The following ALKBH8 variants were observed in gnomAD, a reference collection of about 807,000 sequenced individuals.
The protein encoded by ALKBH8 is tRNA (carboxymethyluridine(34)-5-O)-methyltransferase ALKBH8.
In ALKBH8, 36 loss-of-function variants were observed where a neutral mutation model predicts 59.8. That is an observed-to-expected ratio of 0.60 (90% CI 0.46 to 0.79). The LOEUF (loss-of-function observed/expected upper bound fraction) is 0.79. Ranked by LOEUF, ALKBH8 falls within the 30% of genes least tolerant of loss-of-function variation. ALKBH8 has a pLI of 0.00. For missense variants in ALKBH8, 768 were observed against 801.0 expected (o/e 0.96, Z 0.50); for synonymous variants, 276 against 273.6 (o/e 1.01, Z -0.09).
chr11:107,536,945 G>A (rs1055827624), intron 7 of ALKBH8, among the ~76,000 whole-genome samples: 4 of 152,192 alleles, frequency 2.6e-5, no homozygotes, highest in African/African-American at 7.2e-5. Context: ...CACTTAGACT[G>A]TAATGCACTG....
intron 9 of ALKBH8, among the ~76,000 whole-genome samples, chr11:107,523,628 A>G (rs1320539686): frequency 2.1e-5 from 3 of 140,866 alleles, no homozygotes; most frequent in Non-Finnish European, 4.5e-5. Flanking sequence ...TTTGAGACAG[A>G]GTCTCACTCT....
chr11:107,554,366 C>G (rs1215582981), intron 3 of ALKBH8, among the ~76,000 whole-genome samples: 2 of 151,860 alleles, frequency 1.3e-5, no homozygotes, highest in African/African-American at 4.8e-5. Context: ...TTGATACTAT[C>G]TATAGTAAAT....
At chr11:107,552,395 T>A (rs61908198) in intron 5 of ALKBH8, among the ~76,000 whole-genome samples, 30,634 of 151,736 alleles carry the variant, frequency 0.2, 3,873 homozygotes, top group South Asian at 0.37. Context: ...ATAGATAAAT[T>A]TAACTCCAAC....
At chr11:107,510,752 A>G (rs1015436639) in intron 11 of ALKBH8, 135 bp downstream of exon 11, 6 of 971,804 alleles carry the variant, frequency 6.2e-6, no homozygotes, top group Non-Finnish European at 8.9e-6. Flanking sequence ...TCTCTTACAA[A>G]GAGGGAAAAC....
At chr11:107,539,600 A>AC (rs1040917256) in intron 7 of ALKBH8, among the ~76,000 whole-genome samples, 5 of 151,692 alleles carry the variant, frequency 3.3e-5, no homozygotes, top group African/African-American at 7.3e-5. Context: ...ATCCACCAAA[A>AC]AAAAACAAAA....
chr11:107,506,290 A>G (rs1227890648), intron 11 of ALKBH8, among the ~76,000 whole-genome samples: 1 of 152,184 alleles, frequency 6.6e-6, no homozygotes, highest in Non-Finnish European at 1.5e-5. Flanking sequence ...GCTTCTCCTT[A>G]GAAAAATTTA....
At chr11:107,565,579 G>T (rs142208363) in intron 1 of ALKBH8, 22 bp downstream of exon 1, 1 of 1,535,666 alleles carries the variant, frequency 6.5e-7, no homozygotes. Flanking sequence ...CCGTATGCCC[G>T]CCAGTAAGAA....
chr11:107,524,399 T>A (rs1863263444), intron 9 of ALKBH8, among the ~76,000 whole-genome samples: 1 of 152,124 alleles, frequency 6.6e-6, no homozygotes, highest in East Asian at 1.9e-4. Context: ...ATCTGTAAAC[T>A]GAATCCCCAA....
intron 7 of ALKBH8, among the ~76,000 whole-genome samples, chr11:107,546,737 G>A (rs1864274710): frequency 6.6e-6 from 1 of 152,044 alleles, no homozygotes; most frequent in East Asian, 1.9e-4. Flanking sequence ...TACATATTTC[G>A]AAGGTACAAA....
intron 8 of ALKBH8, among the ~76,000 whole-genome samples, chr11:107,530,069 C>T (rs1014331673): frequency 6.6e-6 from 1 of 152,080 alleles, no homozygotes; most frequent in African/African-American, 2.4e-5. Context: ...TCAAGAGAAG[C>T]TGAAAATTCA....
chr11:107,542,994 G>C (rs1375989021), intron 7 of ALKBH8, among the ~76,000 whole-genome samples: 1 of 152,176 alleles, frequency 6.6e-6, no homozygotes, highest in Non-Finnish European at 1.5e-5. Context: ...AAAGAGCAAA[G>C]ATTTTGTTCC....
chr11:107,504,349 C>G lies in ALKBH8; in HGVS notation c.*309G>C. 1.8e-6 allele frequency: 1 copy of G among 561,586 alleles called. No individual in the cohort carries two copies. The highest frequency in any genetic ancestry group is 3.1e-6 in the Non-Finnish European group (1 of 320,792). 34.8% of individuals were successfully genotyped at this position (561,586 alleles called of 1,614,324 possible). A position where few individuals can be genotyped will look rare whatever the true frequency, so the allele number is the denominator to read the frequency against. On this transcript the variant is annotated 3_prime_UTR_variant, in exon 12 of 12. Coordinates refer to ENST00000428149, the MANE Select transcript of ALKBH8 (RefSeq NM_138775.3). ...ATTTACTACATTTAGTAGCACTTTA[C>G]TAAAAAACTATTATCTTCAAAATCC...
At chr11:107,545,396 G>T (rs1864207574) in intron 7 of ALKBH8, among the ~76,000 whole-genome samples, 1 of 152,068 alleles carries the variant, frequency 6.6e-6, no homozygotes. Flanking sequence ...ATTCAGCTAG[G>T]TATTTCAAGA....
In ALKBH8 at chr11:107,560,865, T is replaced by C. The variant is rs774279068; in HGVS notation, c.29A>G (p.Lys10Arg). Reference sequence around the variant, plus strand: ...GAACTTCTTCTCAGTTTTACTGAGTTTGTAATTACTTTGATGGTTGCTGTC... The same window carrying C: ...GAACTTCTTCTCAGTTTTACTGAGTCTGTAATTACTTTGATGGTTGCTGTC... MDSNHQSNY[K>R]LSKTEKKFLR... The change falls in exon 2 of 12, where the codon AAA becomes AGA. Residue 10 changes from lysine to arginine, a missense_variant. Coordinates refer to ENST00000428149, the MANE Select transcript of ALKBH8 (RefSeq NM_138775.3). 1 of 1,612,860 alleles carries C rather than the reference T, an allele frequency of 6.2e-7. No homozygotes were observed. Among genetic ancestry groups the C allele is most frequent in the South Asian group, 1.1e-5 (1 of 90,990 alleles).
At chr11:107,562,573 A>G (rs576614189) in intron 1 of ALKBH8, 1 of 152,218 alleles carries the variant, frequency 6.6e-6, no homozygotes, top group South Asian at 2.1e-4. Context: ...ATAAAATCTT[A>G]TTTATCTTAT....
In ALKBH8 at chr11:107,510,870, AG is replaced by A; in HGVS notation, c.1437+16del. On this transcript the variant is annotated intron_variant, in intron 11 of 11. Coordinates refer to ENST00000428149, the MANE Select transcript of ALKBH8 (RefSeq NM_138775.3). ...CTTTAGCTACAAGTTCTTAAGAGAAAGAAAGACCATACTTACTGCTGTTGCA... is the reference window on the plus strand; with the variant it reads ...CTTTAGCTACAAGTTCTTAAGAGAAAAAAGACCATACTTACTGCTGTTGCA... 1 of 1,549,542 alleles carries A rather than the reference AG, an allele frequency of 6.5e-7. No homozygotes were observed.
chr11:107,549,762 CA>C lies in ALKBH8; in HGVS notation c.761del (p.Leu254TrpfsTer28). 1 of 1,548,278 alleles carries C rather than the reference CA, an allele frequency of 6.5e-7. No individual in the cohort carries two copies. Among genetic ancestry groups the C allele is most frequent in the Non-Finnish European group, 8.7e-7 (1 of 1,144,106 alleles). ...AFEDEIVSLS[L>X]GSEIVMDFKH... ...AAAAATGACCATTTACCTCTGACCC[CA>C]AACTGAGAGAAACGATCTCATCCTC... On this transcript the variant is annotated frameshift_variant, in exon 7 of 12. Transcript: ENST00000428149. LOFTEE classifies it high-confidence loss of function.
intron 10 of ALKBH8, among the ~76,000 whole-genome samples, chr11:107,513,788 T>C (rs1862738744): frequency 6.6e-6 from 1 of 152,144 alleles, no homozygotes; most frequent in South Asian, 2.1e-4. Context: ...CTGATGCAGG[T>C]GCCGAAAACC....
intron 11 of ALKBH8, among the ~76,000 whole-genome samples, chr11:107,510,273 G>A (rs1013786172): frequency 2.0e-5 from 3 of 151,758 alleles, no homozygotes; most frequent in African/African-American, 7.3e-5. Flanking sequence ...TGACACCCAA[G>A]AAAAATAAGT....
Sources: gnomAD v4.1 joint callset for allele counts (sites outside exome capture counted in the v4.1 genomes callset) on GRCh38, gnomAD v4.1.1 for gene constraint, MANE v1.5 for transcripts, NCBI Gene and HGNC (gene_info 2026-07-23, HGNC 2026-07-21) for gene names.